SOX5: variants seen among roughly 807,000 people sequenced by gnomAD.
SOX5 encodes the protein SRY-box transcription factor 5, also known as transcription factor SOX-5.
In SOX5, 9 loss-of-function variants were observed where a neutral mutation model predicts 92.0. The observed-to-expected ratio is 0.10, with a 90% CI of 0.06 to 0.17. SOX5 has a LOEUF of 0.17. Ranked by LOEUF, SOX5 falls within the 10% of genes least tolerant of loss-of-function variation. SOX5 has a pLI of 1.00. For synonymous variants in SOX5, 344 were observed against 336.3 expected (o/e 1.02, Z -0.25); for missense variants, 642 against 944.5 (o/e 0.68, Z 4.20).
At chr12:23,630,848 C>A (rs1334008010) in intron 8 of SOX5, among the ~76,000 whole-genome samples, 1 of 151,956 alleles carries the variant, frequency 6.6e-6, no homozygotes, top group Non-Finnish European at 1.5e-5. Context: ...TACTGCCTCT[C>A]ACTAAACAAA....
intron 1 of SOX5, among the ~76,000 whole-genome samples, chr12:23,941,149 A>C (rs773654428): frequency 8.6e-5 from 13 of 151,596 alleles, no homozygotes; most frequent in Non-Finnish European, 1.8e-4. Flanking sequence ...TAAATGAAAA[A>C]GTTTCTCCTG....
At chr12:24,421,684 A>G (rs1045059104) in intron 1 of SOX5, among the ~76,000 whole-genome samples, 65 of 152,152 alleles carry the variant, frequency 4.3e-4, no homozygotes, top group African/African-American at 1.6e-3. Flanking sequence ...CTACCCAATA[A>G]AAATCAAATA....
chr12:24,291,679 G>C (rs1166453237), intron 2 of SOX5, among the ~76,000 whole-genome samples: 1 of 152,208 alleles, frequency 6.6e-6, no homozygotes, highest in Non-Finnish European at 1.5e-5. Flanking sequence ...TGTTCATATA[G>C]GTTCTAATAC....
At chr12:24,077,575 G>C (rs892248350) in intron 4 of SOX5, among the ~76,000 whole-genome samples, 1 of 151,554 alleles carries the variant, frequency 6.6e-6, no homozygotes, top group African/African-American at 2.4e-5. Context: ...TCAGTGCCAA[G>C]ATAGAAATTT....
At chr12:23,908,354 C>A (rs1359208501) in intron 1 of SOX5, among the ~76,000 whole-genome samples, 2 of 151,856 alleles carry the variant, frequency 1.3e-5, no homozygotes, top group Non-Finnish European at 2.9e-5. Flanking sequence ...TCTAAGTAGT[C>A]CAATGAAGAG....
intron 4 of SOX5, among the ~76,000 whole-genome samples, chr12:24,024,122 TGAG>T (rs1295125039): frequency 6.6e-6 from 1 of 152,018 alleles, no homozygotes; most frequent in Non-Finnish European, 1.5e-5. Flanking sequence ...TAGGTTATTT[TGAG>T]GAGATTATTT....
intron 1 of SOX5, among the ~76,000 whole-genome samples, chr12:23,942,024 G>T (rs1309938871): frequency 6.6e-6 from 1 of 151,234 alleles, no homozygotes; most frequent in East Asian, 1.9e-4. Flanking sequence ...AACAAACACT[G>T]GCCCAGGGCA....
At chr12:23,965,202 C>G (rs900165989) in intron 4 of SOX5, among the ~76,000 whole-genome samples, 2 of 152,222 alleles carry the variant, frequency 1.3e-5, no homozygotes, top group Non-Finnish European at 2.9e-5. Context: ...TCTGGTGGAA[C>G]CTGTAAAACC....
In SOX5 at chr12:23,563,241, T is replaced by A; in HGVS notation, c.1488+17A>T. The A allele has an allele frequency of 1.3e-6, 2 of 1,583,176 alleles. No homozygotes were observed. The highest frequency in any genetic ancestry group is 1.7e-6 in the Non-Finnish European group (2 of 1,165,846). On this transcript the variant is annotated intron_variant, in intron 11 of 14. Transcript: ENST00000451604. ...TAATTAAGTATTTCTAGAAAGTAAGTTATTTTATGAACTGACCTTTTCTGT... is the reference window on the plus strand; with the variant it reads ...TAATTAAGTATTTCTAGAAAGTAAGATATTTTATGAACTGACCTTTTCTGT...
chr12:24,191,211 T>C (rs1377877071), intron 4 of SOX5, among the ~76,000 whole-genome samples: 6 of 152,218 alleles, frequency 3.9e-5, no homozygotes, highest in African/African-American at 9.6e-5. Context: ...AGCTGCTTCA[T>C]TGTTTGGCCC....
chr12:24,488,095 C>A (rs151243858), intron 1 of SOX5, among the ~76,000 whole-genome samples: 1 of 152,136 alleles, frequency 6.6e-6, no homozygotes, highest in African/African-American at 2.4e-5. Context: ...AAGATGTGGG[C>A]TTTTAAAAAG....
chr12:24,283,977 T>A (rs902070615), intron 2 of SOX5, among the ~76,000 whole-genome samples: 1 of 152,162 alleles, frequency 6.6e-6, no homozygotes, highest in South Asian at 2.1e-4. Flanking sequence ...AGAAGTCATG[T>A]AAATGGAAGT....
intron 3 of SOX5, among the ~76,000 whole-genome samples, chr12:23,765,110 A>G (rs1032248875): frequency 6.6e-6 from 1 of 152,108 alleles, no homozygotes; most frequent in African/African-American, 2.4e-5. Flanking sequence ...TGATTTGCTT[A>G]TAATCGTATA....
chr12:24,489,717 C>T (rs1436663620), intron 1 of SOX5, among the ~76,000 whole-genome samples: 1 of 152,134 alleles, frequency 6.6e-6, no homozygotes, highest in Admixed American at 6.5e-5. Context: ...TTAACACATA[C>T]CCGTTTTCAG....
At chr12:24,159,586 T>C (rs1361820484) in intron 4 of SOX5, among the ~76,000 whole-genome samples, 1 of 152,024 alleles carries the variant, frequency 6.6e-6, no homozygotes, top group African/African-American at 2.4e-5. Context: ...AATGACTTAA[T>C]CACCCAGCAT....
intron 8 of SOX5, among the ~76,000 whole-genome samples, chr12:23,622,773 A>G (rs2077335219): frequency 6.6e-6 from 1 of 152,152 alleles, no homozygotes; most frequent in Admixed American, 6.5e-5. Flanking sequence ...GGTAAATATT[A>G]TTACTATTAT....
chr12:23,871,859 A>G (rs888272249), intron 2 of SOX5, among the ~76,000 whole-genome samples: 8 of 152,086 alleles, frequency 5.3e-5, no homozygotes, highest in East Asian at 1.9e-4. Context: ...TTCTTAATGG[A>G]TAAGTTGGCC....
At chr12:24,452,289 A>T (rs1402659835) in intron 1 of SOX5, among the ~76,000 whole-genome samples, 1 of 152,220 alleles carries the variant, frequency 6.6e-6, no homozygotes. Context: ...TAAAGCAATG[A>T]TTTACATATT....
chr12:24,135,769 G>A (rs1172988184), intron 4 of SOX5, among the ~76,000 whole-genome samples: 1 of 152,082 alleles, frequency 6.6e-6, no homozygotes, highest in Non-Finnish European at 1.5e-5. Context: ...GAGAGTTCAT[G>A]AGGCCTGGGG....
Sources: gnomAD v4.1 joint callset for allele counts (sites outside exome capture counted in the v4.1 genomes callset) on GRCh38, gnomAD v4.1.1 for gene constraint, MANE v1.5 for transcripts, NCBI Gene and HGNC (gene_info 2026-07-23, HGNC 2026-07-21) for gene names.